The following CACNA1C variants were observed in gnomAD, a reference collection of about 807,000 sequenced individuals.
The protein encoded by CACNA1C is calcium voltage-gated channel subunit alpha1 C, also known as voltage-dependent L-type calcium channel subunit alpha-1C.
CACNA1C carries 30 observed loss-of-function variants against 229.0 expected under a neutral mutation model. The ratio of observed to expected loss-of-function variants is 0.13; its 90% CI spans 0.10 to 0.18. The LOEUF (loss-of-function observed/expected upper bound fraction) is 0.18, where lower values mean the gene tolerates loss of function less well. Among genes scored for constraint, CACNA1C ranks in the 10% least tolerant of loss-of-function variants. The pLI, the probability that CACNA1C is intolerant of heterozygous loss-of-function variation, is 1.00. For missense variants in CACNA1C, 1,658 were observed against 2,845.0 expected (o/e 0.58, Z 9.49); for synonymous variants, 1,114 against 1,132.5 (o/e 0.98, Z 0.33).
chr12:2,234,017 C>T (rs2066344818), intron 3 of CACNA1C, among the ~76,000 whole-genome samples: 1 of 152,148 alleles, frequency 6.6e-6, no homozygotes, highest in Admixed American at 6.5e-5. Context: ...TGGCATTATT[C>T]CAACACTTCT....
chr12:2,107,467 C>A (rs1476298761), intron 1 of CACNA1C, among the ~76,000 whole-genome samples: 1 of 123,474 alleles, frequency 8.1e-6, no homozygotes, highest in Non-Finnish European at 1.7e-5. Flanking sequence ...GGGCGCCCAC[C>A]CCGGGGAGGG....
Position 2,633,169 on chromosome 12 carries a change from C to T in CACNA1C, c.3829-1128C>T, listed in dbSNP as rs1034004649. 2.0e-5 allele frequency among the ~76,000 whole-genome samples: 3 copies of T among 152,202 alleles called. No individual in the cohort carries two copies. The highest frequency in any genetic ancestry group is 4.4e-5 in the Non-Finnish European group (3 of 68,040). ...CCAGCTTCACCCATAGGACCGAGCC[C>T]GCTACCCTCTGAGGGGTCACACACC... On this transcript the variant is annotated intron_variant, in intron 29 of 46. Transcript: ENST00000399655. The surrounding 1 kb of genome is among the most constrained non-coding windows in gnomAD (Gnocchi z 5.8).
At chr12:1,997,991 A>G (rs2154477608) in intron 1 of CACNA1C, 2 of 1,606,860 alleles carry the variant, frequency 1.2e-6, no homozygotes, top group East Asian at 2.2e-5. Context: ...CAATAAAAAC[A>G]AAACACACAA....
intron 1 of CACNA1C, among the ~76,000 whole-genome samples, chr12:2,095,503 T>C (rs553589895): frequency 2.0e-5 from 3 of 152,352 alleles, no homozygotes; most frequent in African/African-American, 4.8e-5. Context: ...TGACCTCCCC[T>C]TCTTCTCCCT....
At chr12:2,358,248 CTCCTGTGTGTGTGTG>C (rs1414474992) in intron 3 of CACNA1C, among the ~76,000 whole-genome samples, 4 of 139,396 alleles carry the variant, frequency 2.9e-5, no homozygotes, top group Non-Finnish European at 6.1e-5. Context: ...AAGCGGCGTC[CTCCTGTGTGTGTGTG>C]TGTGTGTGTG....
At position 2,695,665 on chromosome 12, in the gene CACNA1C, AG is replaced by A. The variant is rs142680435; in HGVS notation, c.*4467del. The A allele has an allele frequency of 0.02, 3,088 of 152,374 alleles. 41 individuals are homozygous for A. Among genetic ancestry groups the A allele is most frequent in the Non-Finnish European group, 0.03 (2,052 of 68,078 alleles). 9.4% of individuals were successfully genotyped at this position (152,374 alleles called of 1,614,324 possible). The stretch of plus-strand genomic sequence containing the variant: ...TCTTCCCACTGCCCTCCCCAGCCCC[AG>A]CTCCCTGTCCTCCCCAACACCTAGT... On this transcript the variant is annotated 3_prime_UTR_variant, in exon 47 of 47. Transcript: ENST00000399655.
intron 9 of CACNA1C, among the ~76,000 whole-genome samples, chr12:2,532,574 T>G (rs1406908716): frequency 6.6e-6 from 1 of 152,192 alleles, no homozygotes; most frequent in Non-Finnish European, 1.5e-5. Flanking sequence ...CCAGGGCCCA[T>G]GTTCTGGCTG....
intron 9 of CACNA1C, chr12:2,547,653 T>C (rs2099884154): frequency 3.0e-6 from 2 of 664,026 alleles, no homozygotes; most frequent in Non-Finnish European, 5.6e-6. Flanking sequence ...TATGTATATA[T>C]GTTGTGTGTG....
At position 2,186,095 on chromosome 12, in the gene CACNA1C, C is replaced by T. The variant is rs116947827; in HGVS notation, c.477+65665C>T. Among the ~76,000 whole-genome samples the T allele has an allele frequency of 9.1e-3, 1,391 of 152,318 alleles. 15 individuals are homozygous for T. The highest frequency in any genetic ancestry group is 0.014 in the Non-Finnish European group (955 of 68,028). On this transcript the variant is annotated intron_variant, in intron 3 of 46. Coordinates refer to ENST00000399655, the MANE Select transcript of CACNA1C (RefSeq NM_000719.7). ...CTCGCCTCAGCAGCTGCCTCCACTA[C>T]GGGCTGTGGTTTTTGGTGAGCTTCT...
At chr12:2,288,368 C>G (rs1029012870) in intron 3 of CACNA1C, among the ~76,000 whole-genome samples, 1 of 152,166 alleles carries the variant, frequency 6.6e-6, no homozygotes, top group African/African-American at 2.4e-5. Context: ...AGTTCAGGAA[C>G]CAATCAACCA....
At chr12:2,282,363 C>G (rs2091536315) in intron 3 of CACNA1C, among the ~76,000 whole-genome samples, 2 of 152,204 alleles carry the variant, frequency 1.3e-5, no homozygotes, top group African/African-American at 4.8e-5. Context: ...CTAGACAGCC[C>G]TAGCACACTC....
intron 7 of CACNA1C, among the ~76,000 whole-genome samples, chr12:2,500,005 T>A (rs1265750168): frequency 2.6e-5 from 4 of 152,130 alleles, no homozygotes. Context: ...AGGAGAACTT[T>A]CCTTTCAGAC....
chr12:2,437,813 G>GTGGTGGTAATGATGGTGGTGA (rs1567676159), intron 3 of CACNA1C, among the ~76,000 whole-genome samples: 3 of 150,390 alleles, frequency 2.0e-5, no homozygotes, highest in African/African-American at 4.9e-5. Flanking sequence ...GGTGATGATG[G>GTGGTGGTAATGATGGTGGTGA]TGGTGGTGGT....
chr12:2,690,787 C>A, intron 46 of CACNA1C, 113 bp from the exon 47 acceptor site: 1 of 1,054,290 alleles, frequency 9.5e-7, no homozygotes, highest in Non-Finnish European at 1.4e-6. Flanking sequence ...CACACACGCA[C>A]ACTTCCCCAA....
intron 9 of CACNA1C, among the ~76,000 whole-genome samples, chr12:2,533,445 C>T (rs999421972): frequency 3.3e-5 from 5 of 152,206 alleles, no homozygotes; most frequent in African/African-American, 7.2e-5. Flanking sequence ...CCTCTCTGAG[C>T]GTGAAGGAGA....
intron 22 of CACNA1C, among the ~76,000 whole-genome samples, chr12:2,603,967 G>A (rs1461969851): frequency 1.3e-5 from 2 of 152,126 alleles, no homozygotes; most frequent in Non-Finnish European, 2.9e-5. Context: ...TGGACCGAGT[G>A]GGGAACCCAG....
chr12:2,391,473 A>T (rs1480504450), intron 3 of CACNA1C, among the ~76,000 whole-genome samples: 3 of 152,234 alleles, frequency 2.0e-5, no homozygotes, highest in African/African-American at 7.2e-5. Context: ...AGCAGCAGTC[A>T]GCAGGGTGGG....
intron 3 of CACNA1C, among the ~76,000 whole-genome samples, chr12:2,176,252 G>A (rs556369749): frequency 7.2e-4 from 110 of 152,230 alleles, no homozygotes; most frequent in African/African-American, 2.4e-3. Context: ...GCTGGAGTGC[G>A]TGAGGTAGGG....
At chr12:2,191,961 T>C (rs1310770251) in intron 3 of CACNA1C, among the ~76,000 whole-genome samples, 1 of 149,890 alleles carries the variant, frequency 6.7e-6, no homozygotes, top group Non-Finnish European at 1.5e-5. Context: ...CGCACACATG[T>C]ACTCACAGGC....
Sources: gnomAD v4.1 joint callset for allele counts (sites outside exome capture counted in the v4.1 genomes callset) on GRCh38, gnomAD v4.1.1 for gene constraint, Gnocchi (gnomAD v3.1) non-coding constraint, MANE v1.5 for transcripts, NCBI Gene and HGNC (gene_info 2026-07-23, HGNC 2026-07-21) for gene names.